Variants in TRIO observed in about 807,000 individuals in gnomAD.
TRIO encodes the protein trio Rho guanine nucleotide exchange factor.
Under a neutral mutation model 351.9 loss-of-function variants are expected in TRIO, and 58 were observed. The observed-to-expected ratio is 0.16, with a 90% CI of 0.13 to 0.21. The LOEUF is 0.21. Ranked by LOEUF, TRIO falls within the 10% of genes least tolerant of loss-of-function variation. The probability of loss-of-function intolerance (pLI) is 1.00; values close to 1 mark genes in which losing one functional copy is unlikely to be tolerated. For missense variants in TRIO, 3,201 were observed against 4,027.8 expected (o/e 0.79, Z 5.56); for synonymous variants, 1,758 against 1,595.7 (o/e 1.10, Z -2.42).
At chr5:14,414,379 C>G (rs1356608240) in intron 33 of TRIO, among the ~76,000 whole-genome samples, 2 of 152,198 alleles carry the variant, frequency 1.3e-5, no homozygotes, top group Non-Finnish European at 2.9e-5. Context: ...TTAGTTGTAT[C>G]TTTTAAATGC....
chr5:14,482,778 C>T lies in TRIO; in HGVS notation c.6657+5C>T, dbSNP rs778248124. On this transcript the variant is annotated splice_donor_5th_base_variant and intron_variant, in intron 46 of 56. Transcript: ENST00000344204. ...CTGTTTAAGAACAGTATCAAGGTAA[C>T]GTGTGTCTCTGTGTGATTTCTCTGT... 3.2e-6 allele frequency: 5 copies of T among 1,557,860 alleles called. No homozygotes were observed. The highest frequency in any genetic ancestry group is 2.4e-5 in the South Asian group (2 of 84,798).
intron 34 of TRIO, among the ~76,000 whole-genome samples, chr5:14,431,569 T>C (rs1411141884): frequency 6.6e-6 from 1 of 152,090 alleles, no homozygotes; most frequent in Non-Finnish European, 1.5e-5. Context: ...AGAATTTGAA[T>C]GCTAGAGGGG....
At chr5:14,430,699 A>G (rs597014) in intron 34 of TRIO, among the ~76,000 whole-genome samples, 1,482 of 31,792 alleles carry the variant, frequency 0.047, 13 homozygotes, top group African/African-American at 0.085. Flanking sequence ...ATTTTATTTT[A>G]TTTTATTTTA....
intron 11 of TRIO, among the ~76,000 whole-genome samples, chr5:14,352,888 GT>G (rs34064494): frequency 0.75 from 111,340 of 148,232 alleles, 41,920 homozygotes; most frequent in Middle Eastern, 0.83. Flanking sequence ...TAGTTTTTGG[GT>G]TTTTTTTTTT....
At chr5:14,471,582 C>G (rs762495489) in intron 38 of TRIO, 116 bp downstream of exon 38, 69 of 1,388,476 alleles carry the variant, frequency 5.0e-5, no homozygotes, top group Non-Finnish European at 6.7e-5. Flanking sequence ...GCTCCAGGGC[C>G]TCTCATTAAG....
intron 1 of TRIO, among the ~76,000 whole-genome samples, chr5:14,261,265 C>T (rs1335545258): frequency 6.6e-6 from 1 of 152,200 alleles, no homozygotes; most frequent in Non-Finnish European, 1.5e-5. Context: ...TTGTTGTGTA[C>T]CCTTCGTACT....
chr5:14,347,788 T>C (rs979942402), intron 11 of TRIO, among the ~76,000 whole-genome samples: 1 of 152,074 alleles, frequency 6.6e-6, no homozygotes, highest in Non-Finnish European at 1.5e-5. Context: ...CTGTGAGTGG[T>C]TGAATTGGTT....
chr5:14,341,765 A>T (rs1422828040), intron 11 of TRIO, among the ~76,000 whole-genome samples: 1 of 152,200 alleles, frequency 6.6e-6, no homozygotes, highest in Non-Finnish European at 1.5e-5. Context: ...TTGTTTCTGG[A>T]ATTGATTCAG....
At chr5:14,447,649 A>T (rs1012433336) in intron 34 of TRIO, among the ~76,000 whole-genome samples, 1 of 152,234 alleles carries the variant, frequency 6.6e-6, no homozygotes, top group African/African-American at 2.4e-5. Context: ...CGTCTTTGGT[A>T]TCCTCTTTAA....
At chr5:14,507,391 C>CTT in intron 56 of TRIO, 131 bp downstream of exon 56, 1 of 1,294,614 alleles carries the variant, frequency 7.7e-7, no homozygotes, top group Non-Finnish European at 1.0e-6. Context: ...GGTGGGGCAG[C>CTT]GCAGACACTG....
chr5:14,488,253 G>A lies in TRIO; in HGVS notation c.7625G>A (p.Ser2542Asn), dbSNP rs1756169545. 1.9e-6 allele frequency: 3 copies of A among 1,573,384 alleles called. No homozygotes were observed. Among genetic ancestry groups the A allele is most frequent in the South Asian group, 1.1e-5 (1 of 87,866 alleles). The change falls in exon 48 of 57, where the codon AGC (serine) becomes AAC (asparagine). Residue 2542 changes from serine to asparagine, a missense_variant. Physicochemically the swap from Ser to Asn is conservative, Grantham distance 46 (BLOSUM62 1). Around this residue, in one of 19 missense-constraint regions of TRIO, gnomAD observed 1,089 missense variants for 954.9 expected, o/e 1.14. Coordinates refer to ENST00000344204, the MANE Select transcript of TRIO (RefSeq NM_007118.4). ...ASEQSVQSTQ[S>N]NGSESSSSSN... is the part of the protein sequence containing the mutation. The stretch of plus-strand genomic sequence containing the variant: ...GAGCAGTCCGTGCAGTCCACCCAGA[G>A]CAACGGGGTAAGCGCGTCGGGGGGC...
intron 2 of TRIO, among the ~76,000 whole-genome samples, chr5:14,278,611 T>C (rs1581512161): frequency 6.6e-6 from 1 of 152,196 alleles, no homozygotes; most frequent in South Asian, 2.1e-4. Context: ...GTCAAGGAGA[T>C]TGACTCTTTT....
intron 34 of TRIO, among the ~76,000 whole-genome samples, chr5:14,426,203 C>A (rs1301969906): frequency 1.3e-5 from 2 of 149,512 alleles, no homozygotes; most frequent in East Asian, 2.0e-4. Flanking sequence ...TCCAACAAGA[C>A]CTTTCGTCTC....
In TRIO at chr5:14,143,884, T is replaced by C; in HGVS notation, c.157+2T>C. On this transcript the variant is annotated splice_donor_variant, in intron 1 of 56. Coordinates refer to ENST00000344204, the MANE Select transcript of TRIO (RefSeq NM_007118.4). LOFTEE classifies it high-confidence loss of function. ...ACATCGCGGCCTTCTTCCGATCCGG[T>C]GAGTGCAACTGCGGCCGGCCCGCCC... 9.3e-7 allele frequency: 1 copy of C among 1,073,584 alleles called. No individual in the cohort carries two copies. Among genetic ancestry groups the C allele is most frequent in the Non-Finnish European group, 1.1e-6 (1 of 887,760 alleles). 66.5% of individuals were successfully genotyped at this position (1,073,584 alleles called of 1,614,324 possible).
At chr5:14,451,313 G>GT (rs1230414243) in intron 34 of TRIO, among the ~76,000 whole-genome samples, 1 of 151,918 alleles carries the variant, frequency 6.6e-6, no homozygotes, top group Admixed American at 6.6e-5. Flanking sequence ...CTAGTGCACT[G>GT]TGGTCTTTTC....
At chr5:14,367,271 C>G (rs1744685465) in intron 16 of TRIO, among the ~76,000 whole-genome samples, 1 of 152,130 alleles carries the variant, frequency 6.6e-6, no homozygotes. Context: ...TGTAGGAGCC[C>G]TGGCAAGATG....
intron 1 of TRIO, among the ~76,000 whole-genome samples, chr5:14,232,967 C>T (rs1793540523): frequency 6.6e-6 from 1 of 152,112 alleles, no homozygotes; most frequent in Non-Finnish European, 1.5e-5. Context: ...GCTCCATGGC[C>T]ACAGTGGAAC....
At position 14,143,507 on chromosome 5, in the gene TRIO, G is replaced by C. The variant is rs1787296155; in HGVS notation, c.-219G>C. ...CCGTGGCTCCGCGCCTCCGCCCCTC[G>C]GCCAGCTCGCGGCTACCGGGCGGAG... On this transcript the variant is annotated 5_prime_UTR_variant, in exon 1 of 57. Coordinates refer to ENST00000344204, the MANE Select transcript of TRIO (RefSeq NM_007118.4). Among the ~76,000 whole-genome samples the C allele has an allele frequency of 6.8e-6, 1 of 147,724 alleles. No homozygotes were observed.
chr5:14,297,370 C>CACATGCGGAGCTCA, intron 7 of TRIO, 107 bp downstream of exon 7: 1 of 1,306,974 alleles, frequency 7.7e-7, no homozygotes, highest in Non-Finnish European at 1.0e-6. Context: ...ACTGTGAGCT[C>CACATGCGGAGCTCA]CGCATGTGAG....
Sources: allele counts gnomAD v4.1 joint callset (sites outside exome capture counted in the v4.1 genomes callset), GRCh38; gene constraint gnomAD v4.1.1; regional missense constraint gnomAD v4.1.1; transcripts MANE v1.5; gene names NCBI Gene and HGNC (gene_info 2026-07-23, HGNC 2026-07-21).